The following RYR2 variants were observed in gnomAD, a reference collection of about 807,000 sequenced individuals.
The protein encoded by RYR2 is cardiac muscle ryanodine receptor-calcium release channel.
In RYR2, 227 loss-of-function variants were observed where a neutral mutation model predicts 601.1. The observed-to-expected ratio is 0.38, with a 90% CI of 0.34 to 0.42. The LOEUF is 0.42. RYR2 is among the 10% of genes least tolerant of loss of function. The probability of loss-of-function intolerance (pLI) is 1.00; values close to 1 mark genes in which losing one functional copy is unlikely to be tolerated. For missense variants in RYR2, 4,646 were observed against 6,156.5 expected, an observed-to-expected ratio of 0.75 and a Z score of 8.21; for synonymous variants, 2,223 against 2,175.1, an observed-to-expected ratio of 1.02 and a Z score of -0.61.
intron 2 of RYR2, among the ~76,000 whole-genome samples, chr1:237,272,564 T>C (rs1364310651): frequency 6.7e-6 from 1 of 148,714 alleles, no homozygotes; most frequent in Non-Finnish European, 1.5e-5. Context: ...ATAATTTATA[T>C]ATATTAGTGG....
intron 21 of RYR2, among the ~76,000 whole-genome samples, chr1:237,501,464 C>T (rs980893059): frequency 6.6e-6 from 1 of 151,946 alleles, no homozygotes; most frequent in African/African-American, 2.4e-5. Flanking sequence ...TTTGCTATTA[C>T]CAGAGGGAAA....
chr1:237,217,815 G>T (rs1261065259), intron 1 of RYR2, among the ~76,000 whole-genome samples: 5 of 152,182 alleles, frequency 3.3e-5, no homozygotes, highest in African/African-American at 9.7e-5. Context: ...CCAAGAAAGA[G>T]CAGAGACTTG....
intron 87 of RYR2, among the ~76,000 whole-genome samples, chr1:237,775,494 G>A (rs1324078365): frequency 6.6e-6 from 1 of 152,158 alleles, no homozygotes; most frequent in Non-Finnish European, 1.5e-5. Flanking sequence ...ATGAAGATAA[G>A]CTTATCATTA....
intron 58 of RYR2, among the ~76,000 whole-genome samples, chr1:237,671,681 G>C (rs1684960515): frequency 6.6e-6 from 1 of 152,048 alleles, no homozygotes; most frequent in South Asian, 2.1e-4. Flanking sequence ...CTGCTTTAGG[G>C]AAATCAGGAG....
chr1:237,799,744 A>G (rs951225070), intron 97 of RYR2, among the ~76,000 whole-genome samples: 1 of 152,172 alleles, frequency 6.6e-6, no homozygotes, highest in Non-Finnish European at 1.5e-5. Flanking sequence ...ATACAAAATG[A>G]TTTATATATT....
At chr1:237,361,737 G>A (rs1201972045) in intron 4 of RYR2, among the ~76,000 whole-genome samples, 2 of 152,082 alleles carry the variant, frequency 1.3e-5, no homozygotes, top group African/African-American at 2.4e-5. Flanking sequence ...AAAAGTCAAG[G>A]TTGAACTGAA....
chr1:237,328,939 A>G (rs953352386), intron 2 of RYR2, among the ~76,000 whole-genome samples: 5 of 152,180 alleles, frequency 3.3e-5, no homozygotes, highest in African/African-American at 1.2e-4. Context: ...ATGTATTTGT[A>G]ATGTTCTTCT....
chr1:237,558,995 T>A (rs1305861265), intron 27 of RYR2, among the ~76,000 whole-genome samples: 1 of 141,934 alleles, frequency 7.0e-6, no homozygotes, highest in Non-Finnish European at 1.6e-5. Context: ...ATCATTTTTG[T>A]ACTTTTTTTT....
intron 1 of RYR2, among the ~76,000 whole-genome samples, chr1:237,206,057 A>AGCTCCG (rs1681778654): frequency 6.6e-6 from 1 of 152,130 alleles, no homozygotes; most frequent in Non-Finnish European, 1.5e-5. Context: ...CGGGTGCTCC[A>AGCTCCG]GGAGCTCCGG....
intron 92 of RYR2, 99 bp downstream of exon 92, chr1:237,788,234 A>G: frequency 1.1e-6 from 1 of 894,440 alleles, no homozygotes; most frequent in South Asian, 1.9e-5. Context: ...AGTGGCAGTT[A>G]GGGAACCAGG....
chr1:237,707,332 T>C (rs1241500855), intron 68 of RYR2, 63 bp downstream of exon 68: 6 of 841,614 alleles, frequency 7.1e-6, no homozygotes, highest in Non-Finnish European at 1.0e-5. Context: ...GAATTTTAAA[T>C]ACATAAACTA....
chr1:237,295,092 T>C (rs562767282), intron 2 of RYR2, among the ~76,000 whole-genome samples: 6 of 152,102 alleles, frequency 3.9e-5, no homozygotes, highest in Non-Finnish European at 8.8e-5. Flanking sequence ...AGTGTGTGCC[T>C]GTAGTCCTAG....
chr1:237,683,803 G>A (rs540557039), intron 62 of RYR2, among the ~76,000 whole-genome samples: 1 of 152,338 alleles, frequency 6.6e-6, no homozygotes, highest in African/African-American at 2.4e-5. Flanking sequence ...ATTGATGAGA[G>A]TGGGAGAGTT....
chr1:237,785,766 C>A (rs1421263919), intron 90 of RYR2, among the ~76,000 whole-genome samples: 1 of 152,176 alleles, frequency 6.6e-6, no homozygotes, highest in Non-Finnish European at 1.5e-5. Flanking sequence ...TTTGTCCCTG[C>A]TGCTGGTGCA....
At position 237,792,388 on chromosome 1, in the gene RYR2, T is replaced by TGCGC; in HGVS notation, c.13782+66_13782+67insCGCG. On this transcript the variant is annotated intron_variant, in intron 94 of 104. Coordinates refer to ENST00000366574, the MANE Select transcript of RYR2 (RefSeq NM_001035.3). ...GTGTGTGTGTGTGTGTGTGCGTGTGTGTGTGTGTGCGTGTGTGTGTGTGTG... is the reference window on the plus strand; with the variant it reads ...GTGTGTGTGTGTGTGTGTGCGTGTGTGCGCGTGTGTGTGCGTGTGTGTGTGTGTG... 1.1e-5 allele frequency: 9 copies of TGCGC among 819,980 alleles called. No individual in the cohort carries two copies. The South Asian group carries it at 1.3e-4, about 12-fold the overall frequency. The allele number at this position is 819,980 out of a possible 1,614,324, so 50.8% of individuals were successfully genotyped here. A position where few individuals can be genotyped will look rare whatever the true frequency, so the allele number is the denominator to read the frequency against.
chr1:237,336,961 A>G (rs1383705327), intron 3 of RYR2, among the ~76,000 whole-genome samples: 1 of 145,180 alleles, frequency 6.9e-6, no homozygotes, highest in Admixed American at 6.9e-5. Flanking sequence ...ACATTCAAAA[A>G]TGCATGGGGC....
chr1:237,616,661 A>T (rs990186027), intron 37 of RYR2, among the ~76,000 whole-genome samples: 2 of 152,186 alleles, frequency 1.3e-5, no homozygotes, highest in Non-Finnish European at 2.9e-5. Context: ...TTTCCCTTAT[A>T]TATTTCATTG....
chr1:237,129,442 G>A (rs1332118719), intron 1 of RYR2, among the ~76,000 whole-genome samples: 1 of 152,154 alleles, frequency 6.6e-6, no homozygotes, highest in Non-Finnish European at 1.5e-5. Flanking sequence ...ATCAAGAGAG[G>A]AGAAACTGAC....
At chr1:237,520,194 A>G (rs761849991) in intron 24 of RYR2, among the ~76,000 whole-genome samples, 11 of 152,206 alleles carry the variant, frequency 7.2e-5, no homozygotes, top group African/African-American at 2.7e-4. Flanking sequence ...TTATCAAATA[A>G]GAGTTTTTTG....
Sources: allele counts gnomAD v4.1 joint callset (sites outside exome capture counted in the v4.1 genomes callset), GRCh38; gene constraint gnomAD v4.1.1; transcripts MANE v1.5; gene names NCBI Gene and HGNC (gene_info 2026-07-23, HGNC 2026-07-21).